The following STK3 variants were observed in gnomAD, a reference collection of about 807,000 sequenced individuals.
The protein encoded by STK3 is serine/threonine-protein kinase 3.
STK3 carries 41 observed loss-of-function variants against 58.0 expected under a neutral mutation model. The ratio of observed to expected loss-of-function variants is 0.71; its 90% CI spans 0.55 to 0.92. STK3 has a LOEUF of 0.92. Among genes scored for constraint, STK3 ranks in the 40% least tolerant of loss-of-function variants. The pLI is 0.00. For synonymous variants in STK3, 170 were observed against 191.0 expected, an observed-to-expected ratio of 0.89 and a Z score of 0.91; for missense variants, 479 against 602.7, an observed-to-expected ratio of 0.79 and a Z score of 2.15.
chr8:98,554,323 C>G lies in STK3; in HGVS notation c.949-6162G>C, dbSNP rs143858792. On this transcript the variant is annotated intron_variant, in intron 8 of 10. Transcript: ENST00000419617. The stretch of plus-strand genomic sequence containing the variant: ...CCAGTTTATTCCCAAAACACTAACT[C>G]TATTTTAACACGTGTGAGTCATTTT... Among the ~76,000 whole-genome samples the G allele has an allele frequency of 1.2e-4, 19 of 152,248 alleles. No homozygotes were observed. The East Asian group carries it at 3.7e-3, about 29-fold the overall frequency.
intron 8 of STK3, among the ~76,000 whole-genome samples, chr8:98,563,427 G>A (rs919021375): frequency 6.6e-6 from 1 of 152,070 alleles, no homozygotes; most frequent in South Asian, 2.1e-4. Flanking sequence ...ACACACACGT[G>A]CCTACATATA....
At chr8:98,481,295 C>T (rs1053382911) in intron 10 of STK3, among the ~76,000 whole-genome samples, 2 of 151,964 alleles carry the variant, frequency 1.3e-5, no homozygotes, top group Non-Finnish European at 2.9e-5. Context: ...AAGACATCTG[C>T]ACTTGTATGT....
intron 10 of STK3, among the ~76,000 whole-genome samples, chr8:98,456,311 G>A (rs1048462112): frequency 6.6e-6 from 1 of 152,154 alleles, no homozygotes; most frequent in East Asian, 1.9e-4. Flanking sequence ...ATCCACCACT[G>A]CCAACAAACA....
intron 3 of STK3, among the ~76,000 whole-genome samples, chr8:98,757,112 T>G (rs144919339): frequency 6.6e-6 from 1 of 152,206 alleles, no homozygotes; most frequent in Non-Finnish European, 1.5e-5. Flanking sequence ...GCTGTATATA[T>G]AACAATATAT....
intron 6 of STK3, among the ~76,000 whole-genome samples, chr8:98,679,448 C>T (rs533068487): frequency 6.6e-5 from 10 of 152,282 alleles, no homozygotes; most frequent in African/African-American, 2.4e-4. Flanking sequence ...ACCACTCCAC[C>T]CTACCCTTGA....
At chr8:98,811,209 C>T (rs924704185) in intron 1 of STK3, among the ~76,000 whole-genome samples, 1 of 152,200 alleles carries the variant, frequency 6.6e-6, no homozygotes, top group Non-Finnish European at 1.5e-5. Flanking sequence ...AGAGAAAAAA[C>T]TTCCACCCCT....
intron 1 of STK3, among the ~76,000 whole-genome samples, chr8:98,920,115 G>A (rs887133706): frequency 1.3e-5 from 2 of 152,218 alleles, no homozygotes; most frequent in South Asian, 4.1e-4. Context: ...TTACAACGTG[G>A]TTTAAATGTG....
intron 7 of STK3, among the ~76,000 whole-genome samples, chr8:98,594,605 AAAAATAAAAT>A (rs1452428206): frequency 6.6e-6 from 1 of 152,120 alleles, no homozygotes; most frequent in African/African-American, 2.4e-5. Context: ...CAAAAAAATA[AAAAATAAAAT>A]AAAATATATA....
At position 98,759,351 on chromosome 8, in the gene STK3, G is replaced by T. The variant is rs570673271; in HGVS notation, c.236+7892C>A. ...AGGAAAGCCTGAGGAAAGGAAGGGA[G>T]ATGGGGCCCACGGCCTAGCAGTGGG... On this transcript the variant is annotated intron_variant, in intron 3 of 10. Transcript: ENST00000419617. 5.0e-5 allele frequency among the ~76,000 whole-genome samples: 7 copies of T among 140,384 alleles called. No individual in the cohort carries two copies. The South Asian group carries it at 1.5e-3, about 30-fold the overall frequency. The allele number at this position is 140,384 out of a possible 152,430, so 92.1% of individuals were successfully genotyped here.
intron 6 of STK3, among the ~76,000 whole-genome samples, chr8:98,694,878 G>C (rs923778308): frequency 3.9e-5 from 6 of 152,290 alleles, no homozygotes; most frequent in Admixed American, 2.6e-4. Flanking sequence ...TAATGGGATG[G>C]CTGGGTCAAA....
intron 6 of STK3, among the ~76,000 whole-genome samples, chr8:98,655,268 A>C (rs577016358): frequency 3.3e-5 from 5 of 152,326 alleles, no homozygotes; most frequent in African/African-American, 7.2e-5. Flanking sequence ...GTGCTGGGAA[A>C]ACTGGCTAGC....
At chr8:98,651,409 C>G (rs1563847928) in intron 6 of STK3, 6 of 152,224 alleles carry the variant, frequency 3.9e-5, no homozygotes. Flanking sequence ...AGCAGAAAAA[C>G]TGGAAACTCT....
Position 98,487,875 on chromosome 8 carries a change from C to T in STK3, c.1318-31875G>A, listed in dbSNP as rs142733064. On this transcript the variant is annotated intron_variant, in intron 10 of 10. Transcript: ENST00000419617. Reference sequence around the variant, plus strand: ...CTTCAACATTCACTTGGTGTGTGATCATGAGCCAAGTTACTTAATTTAGAT... The same window carrying T: ...CTTCAACATTCACTTGGTGTGTGATTATGAGCCAAGTTACTTAATTTAGAT... Among the ~76,000 whole-genome samples the T allele has an allele frequency of 2.6e-5, 4 of 152,332 alleles. No homozygotes were observed. The East Asian group carries it at 7.7e-4, about 29-fold the overall frequency.
intron 1 of STK3, among the ~76,000 whole-genome samples, chr8:98,793,750 C>T (rs1025148121): frequency 1.3e-5 from 2 of 152,016 alleles, no homozygotes; most frequent in South Asian, 2.1e-4. Flanking sequence ...ACACTGTTCT[C>T]GTCTGCACAT....
intron 2 of STK3, among the ~76,000 whole-genome samples, chr8:98,771,812 C>T (rs1183586757): frequency 6.6e-6 from 1 of 152,192 alleles, no homozygotes; most frequent in African/African-American, 2.4e-5. Flanking sequence ...GTCTCGAACT[C>T]CTGACCTCAA....
downstream of STK3, among the ~76,000 whole-genome samples, chr8:98,399,243 A>G (rs79776473): frequency 7.7e-4 from 117 of 152,370 alleles, 2 homozygotes; most frequent in East Asian, 0.019. Context: ...CTCAACAAAC[A>G]GATCAGCCTG....
chr8:98,528,362 G>A (rs1363961288), intron 9 of STK3, among the ~76,000 whole-genome samples: 1 of 151,908 alleles, frequency 6.6e-6, no homozygotes, highest in African/African-American at 2.4e-5. Context: ...TGGCTATATT[G>A]GTCTTGATCA....
chr8:98,590,127 ATCTTC>A (rs1815157988), intron 7 of STK3, among the ~76,000 whole-genome samples: 1 of 152,194 alleles, frequency 6.6e-6, no homozygotes, highest in Non-Finnish European at 1.5e-5. Flanking sequence ...TCCTCCGAAA[ATCTTC>A]TCTTGAGAAA....
At chr8:98,674,946 A>G (rs1823090201) in intron 6 of STK3, among the ~76,000 whole-genome samples, 2 of 152,206 alleles carry the variant, frequency 1.3e-5, no homozygotes, top group African/African-American at 2.4e-5. Context: ...AAAAGAGAAA[A>G]CTGTCATTAA....
Sources: allele counts gnomAD v4.1 joint callset (sites outside exome capture counted in the v4.1 genomes callset), GRCh38; gene constraint gnomAD v4.1.1; transcripts MANE v1.5; gene names NCBI Gene and HGNC (gene_info 2026-07-23, HGNC 2026-07-21).